CTNNA3: variants seen among roughly 807,000 people sequenced by gnomAD.
The protein encoded by CTNNA3 is catenin alpha-3.
A neutral mutation model predicts 95.7 loss-of-function variants in CTNNA3; 76 were observed. The observed-to-expected ratio is 0.79, with a 90% CI of 0.66 to 0.96. The LOEUF (loss-of-function observed/expected upper bound fraction) is 0.96. Among genes scored for constraint, CTNNA3 ranks in the 40% least tolerant of loss-of-function variants. The probability of loss-of-function intolerance (pLI) is 0.00; values close to 1 mark genes in which losing one functional copy is unlikely to be tolerated. For missense variants in CTNNA3, 1,191 were observed against 1,089.8 expected (o/e 1.09, Z -1.31); for synonymous variants, 431 against 374.4 (o/e 1.15, Z -1.74).
chr10:66,165,767 T>TTTATTATTA (rs143509860), intron 13 of CTNNA3, among the ~76,000 whole-genome samples: 4 of 151,298 alleles, frequency 2.6e-5, no homozygotes, highest in Non-Finnish European at 5.9e-5. Context: ...ATTTATTTAT[T>TTTATTATTA]TTATTATTAT....
rs147465928 is a variant in CTNNA3, at chr10:65,952,429, A to G, written c.2400+14183T>C. Among the ~76,000 whole-genome samples, 37 of 151,996 alleles carry G rather than the reference A, an allele frequency of 2.4e-4. No homozygotes were observed. The East Asian group carries it at 6.4e-3, about 26-fold the overall frequency. ...CTTCTCTTTCCTTTTTCTTTCTTTT[A>G]TTCCTCCTCTTCTTGCTTCTCCTCC... On this transcript the variant is annotated intron_variant, in intron 17 of 17. Transcript: ENST00000433211.
intron 1 of CTNNA3, among the ~76,000 whole-genome samples, chr10:67,744,226 G>GGCATCA (rs1841360390): frequency 6.6e-6 from 1 of 151,186 alleles, no homozygotes; most frequent in Admixed American, 6.6e-5. Flanking sequence ...CAAAGCTGGA[G>GGCATCA]GCATCACACT....
At chr10:67,039,100 C>G (rs1854243280) in intron 7 of CTNNA3, among the ~76,000 whole-genome samples, 1 of 151,982 alleles carries the variant, frequency 6.6e-6, no homozygotes, top group Non-Finnish European at 1.5e-5. Flanking sequence ...GTCATTTGCT[C>G]TATAATAATA....
chr10:66,184,377 T>C (rs555039913), intron 13 of CTNNA3, among the ~76,000 whole-genome samples: 1 of 152,344 alleles, frequency 6.6e-6, no homozygotes, highest in African/African-American at 2.4e-5. Context: ...TACAATTTTA[T>C]ATTTTGTTTA....
chr10:65,985,870 GAAA>G (rs2078417449), intron 16 of CTNNA3, among the ~76,000 whole-genome samples: 1 of 151,346 alleles, frequency 6.6e-6, no homozygotes, highest in South Asian at 2.1e-4. Context: ...CTTATATTAA[GAAA>G]AACCTTTCTT....
intron 2 of CTNNA3, among the ~76,000 whole-genome samples, chr10:67,609,969 T>C (rs1843406262): frequency 6.6e-6 from 1 of 152,250 alleles, no homozygotes. Context: ...TTTTCACAAA[T>C]TCCAAAAGGC....
intron 7 of CTNNA3, among the ~76,000 whole-genome samples, chr10:66,827,728 A>G (rs1842567115): frequency 6.6e-6 from 1 of 152,262 alleles, no homozygotes; most frequent in Non-Finnish European, 1.5e-5. Context: ...TATTGCAAAC[A>G]GGCAATGTGT....
intron 10 of CTNNA3, among the ~76,000 whole-genome samples, chr10:66,536,852 CTCTT>C (rs1276806576): frequency 2.0e-5 from 3 of 152,120 alleles, no homozygotes; most frequent in Middle Eastern, 3.2e-3. Context: ...TTGTACCTCT[CTCTT>C]TCTCTCTGTC....
intron 5 of CTNNA3, among the ~76,000 whole-genome samples, chr10:67,429,316 T>G (rs575480792): frequency 1.4e-4 from 21 of 152,190 alleles, no homozygotes; most frequent in African/African-American, 4.6e-4. Context: ...TCTTATATAT[T>G]TTACATCTTT....
intron 13 of CTNNA3, among the ~76,000 whole-genome samples, chr10:66,255,024 C>T (rs1018856591): frequency 6.6e-6 from 1 of 152,208 alleles, no homozygotes; most frequent in Non-Finnish European, 1.5e-5. Flanking sequence ...TTCACTTTAA[C>T]ACTGTAAACC....
intron 12 of CTNNA3, among the ~76,000 whole-genome samples, chr10:66,355,163 T>G (rs2030048454): frequency 6.6e-6 from 1 of 152,104 alleles, no homozygotes; most frequent in African/African-American, 2.4e-5. Context: ...AAATACAACT[T>G]AACTGAGAGC....
intron 7 of CTNNA3, among the ~76,000 whole-genome samples, chr10:66,813,190 G>A (rs1243017499): frequency 6.6e-6 from 1 of 152,158 alleles, no homozygotes; most frequent in African/African-American, 2.4e-5. Context: ...ACTTGCTCAT[G>A]TAATATCTAT....
intron 5 of CTNNA3, 23 bp downstream of exon 5, chr10:67,521,819 C>G: frequency 6.2e-7 from 1 of 1,609,744 alleles, no homozygotes; most frequent in Admixed American, 1.7e-5. Flanking sequence ...ATCTCCTCCA[C>G]CAAGGAGAGC....
chr10:66,777,497 G>T (rs1323810522), intron 7 of CTNNA3, among the ~76,000 whole-genome samples: 1 of 151,988 alleles, frequency 6.6e-6, no homozygotes, highest in Non-Finnish European at 1.5e-5. Context: ...TTACACAGAT[G>T]AAAGTTGTGG....
chr10:66,290,144 T>C (rs1392897637), intron 12 of CTNNA3, among the ~76,000 whole-genome samples: 1 of 151,954 alleles, frequency 6.6e-6, no homozygotes, highest in Non-Finnish European at 1.5e-5. Context: ...TAATACGATG[T>C]GTGAATAAAG....
chr10:66,054,067 T>C (rs1057409501), intron 15 of CTNNA3, among the ~76,000 whole-genome samples: 2 of 152,218 alleles, frequency 1.3e-5, no homozygotes, highest in East Asian at 1.9e-4. Context: ...TTTCATTCTT[T>C]TTATTGTTGA....
At chr10:67,748,522 G>C (rs527809763) in intron 1 of CTNNA3, among the ~76,000 whole-genome samples, 1 of 152,108 alleles carries the variant, frequency 6.6e-6, no homozygotes, top group East Asian at 1.9e-4. Context: ...AAGCAAAGGA[G>C]AAATAAAATA....
intron 10 of CTNNA3, among the ~76,000 whole-genome samples, chr10:66,612,650 C>T (rs1844367509): frequency 6.6e-6 from 1 of 152,086 alleles, no homozygotes; most frequent in Admixed American, 6.6e-5. Context: ...GTGACTGTAT[C>T]ACACAACAAA....
At chr10:66,394,531 T>A (rs2092959379) in intron 11 of CTNNA3, among the ~76,000 whole-genome samples, 2 of 136,944 alleles carry the variant, frequency 1.5e-5, no homozygotes, top group Non-Finnish European at 1.5e-5. Context: ...TATTAACATC[T>A]AATAACAAAG....
Sources: allele counts gnomAD v4.1 joint callset (sites outside exome capture counted in the v4.1 genomes callset), GRCh38; gene constraint gnomAD v4.1.1; transcripts MANE v1.5; gene names NCBI Gene and HGNC (gene_info 2026-07-23, HGNC 2026-07-21).